The following BANK1 variants were observed in gnomAD, a reference collection of about 807,000 sequenced individuals.
The protein encoded by BANK1 is B cell scaffold protein with ankyrin repeats 1.
A neutral mutation model predicts 94.5 loss-of-function variants in BANK1; 95 were observed. The ratio of observed to expected loss-of-function variants is 1.00; its 90% CI spans 0.85 to 1.19. The LOEUF (loss-of-function observed/expected upper bound fraction) is 1.19. BANK1 is among the 50% of genes most tolerant of loss of function. BANK1 has a pLI of 0.00. For synonymous variants in BANK1, 334 were observed against 308.4 expected (o/e 1.08, Z -0.87); for missense variants, 987 against 932.2 (o/e 1.06, Z -0.77).
intron 2 of BANK1, among the ~76,000 whole-genome samples, chr4:101,845,560 A>G (rs1332147201): frequency 6.6e-6 from 1 of 152,170 alleles, no homozygotes; most frequent in Non-Finnish European, 1.5e-5. Flanking sequence ...ATTATTACCT[A>G]TTGGTAAGGA....
At chr4:101,919,973 G>T (rs1722948173) in intron 7 of BANK1, among the ~76,000 whole-genome samples, 1 of 151,880 alleles carries the variant, frequency 6.6e-6, no homozygotes, top group African/African-American at 2.4e-5. Flanking sequence ...CAATTTATAT[G>T]ACACATAAAT....
chr4:101,856,433 A>C (rs889510618), intron 3 of BANK1, among the ~76,000 whole-genome samples: 1 of 152,214 alleles, frequency 6.6e-6, no homozygotes, highest in Admixed American at 6.5e-5. Context: ...GCTCCTACTG[A>C]GTCAGAAACA....
rs1420557038 is a variant in BANK1, at chr4:101,830,141, G to A, written c.404G>A (p.Trp135Ter). The change falls in exon 2 of 17, where the codon TGG (tryptophan) becomes TAG (stop). Residue 135 changes from tryptophan to a stop codon, truncating the protein, a stop_gained. Transcript: ENST00000322953. LOFTEE classifies it high-confidence loss of function. ...TTACTAAATATCTCTCAAAGCAGAT[G>A]GGAGATCTCAACTGAACAGGAACCT... Reference protein sequence around the residue: ...YELLNISQSRWEISTEQEPED... With the variant: ...YELLNISQSR 1 of 1,609,114 alleles carries A rather than the reference G, an allele frequency of 6.2e-7. No individual in the cohort carries two copies. Among genetic ancestry groups the A allele is most frequent in the Non-Finnish European group, 8.5e-7 (1 of 1,178,474 alleles).
intron 7 of BANK1, among the ~76,000 whole-genome samples, chr4:101,957,226 T>C (rs953704617): frequency 3.9e-5 from 6 of 152,200 alleles, no homozygotes; most frequent in African/African-American, 1.4e-4. Context: ...TATGGCTACC[T>C]TGGTCTCAGC....
At chr4:101,881,894 A>G (rs1578375904) in intron 5 of BANK1, among the ~76,000 whole-genome samples, 1 of 147,452 alleles carries the variant, frequency 6.8e-6, no homozygotes, top group East Asian at 2.1e-4. Context: ...GGAGCTAGAG[A>G]GTAGAAGGAT....
At chr4:101,819,011 A>G (rs1726030948) in intron 1 of BANK1, among the ~76,000 whole-genome samples, 1 of 151,892 alleles carries the variant, frequency 6.6e-6, no homozygotes, top group Non-Finnish European at 1.5e-5. Context: ...TTATCACCAA[A>G]CATTTCTGGC....
chr4:101,895,566 A>G (rs1010254222), intron 6 of BANK1, among the ~76,000 whole-genome samples, 156 bp downstream of exon 6: 4 of 151,928 alleles, frequency 2.6e-5, no homozygotes, highest in African/African-American at 9.7e-5. Context: ...CATTAGTACA[A>G]ACTTCTGAAT....
intron 1 of BANK1, among the ~76,000 whole-genome samples, chr4:101,791,570 G>T (rs1310135667): frequency 6.6e-6 from 1 of 152,142 alleles, no homozygotes; most frequent in Non-Finnish European, 1.5e-5. Flanking sequence ...GTTTTATTTA[G>T]TTCTTTTTGA....
intron 1 of BANK1, among the ~76,000 whole-genome samples, chr4:101,798,679 T>A (rs1024172283): frequency 9.9e-5 from 15 of 152,234 alleles, no homozygotes; most frequent in Admixed American, 2.6e-4. Context: ...GGTATCTCAC[T>A]GTGGTTTTGA....
chr4:101,937,698 A>G (rs1228184042), intron 7 of BANK1, among the ~76,000 whole-genome samples: 2 of 151,946 alleles, frequency 1.3e-5, no homozygotes, highest in African/African-American at 4.8e-5. Flanking sequence ...TCAAGGATCT[A>G]GGACCAGAAA....
At chr4:101,964,434 T>C (rs1473465887) in intron 7 of BANK1, among the ~76,000 whole-genome samples, 1 of 152,094 alleles carries the variant, frequency 6.6e-6, no homozygotes, top group Non-Finnish European at 1.5e-5. Flanking sequence ...ACTGGAGTTG[T>C]AATTTCTTTC....
chr4:101,995,241 C>T (rs2148933781), intron 7 of BANK1, among the ~76,000 whole-genome samples: 1 of 152,204 alleles, frequency 6.6e-6, no homozygotes, highest in South Asian at 2.1e-4. Context: ...TGATGGTTTC[C>T]AACTTCACCT....
intron 9 of BANK1, among the ~76,000 whole-genome samples, chr4:102,027,136 C>T (rs372443059): frequency 5.1e-4 from 78 of 152,204 alleles, no homozygotes; most frequent in African/African-American, 1.9e-3. Flanking sequence ...AAAATTCTGG[C>T]ATATTTTTCT....
chr4:101,949,151 C>T lies in BANK1; in HGVS notation c.1206+30962C>T, dbSNP rs550285004. ...TGGTTTCAAGATGACCCTAGGATGA[C>T]GTGGCTCTGCTCTATGCAATCTCTC... is the stretch of plus-strand genomic sequence containing the variant. On this transcript the variant is annotated intron_variant, in intron 7 of 16. Coordinates refer to ENST00000322953, the MANE Select transcript of BANK1 (RefSeq NM_017935.5). 2.6e-5 allele frequency among the ~76,000 whole-genome samples: 4 copies of T among 152,136 alleles called. No individual in the cohort carries two copies. In the South Asian group the frequency reaches 6.2e-4, roughly 24 times the overall value.
chr4:102,019,579 T>C (rs149176279), intron 7 of BANK1, among the ~76,000 whole-genome samples: 94 of 152,306 alleles, frequency 6.2e-4, no homozygotes, highest in Non-Finnish European at 1.1e-3. Flanking sequence ...TGTACTTAAA[T>C]TGACTCCAAA....
chr4:101,792,338 G>C (rs1043540371), intron 1 of BANK1, among the ~76,000 whole-genome samples: 10 of 137,680 alleles, frequency 7.3e-5, no homozygotes, highest in Admixed American at 1.6e-4. Context: ...TCCTTTTCTG[G>C]CCAACATAAT....
In BANK1 at chr4:102,025,446, C is replaced by T. The variant is rs755990627; in HGVS notation, c.1531C>T (p.Leu511Phe). The change falls in exon 9 of 17, where the codon CTC becomes TTC. Residue 511 changes from leucine to phenylalanine, a missense_variant. By Grantham distance (22) the Leu-to-Phe change is conservative. Coordinates refer to ENST00000322953, the MANE Select transcript of BANK1 (RefSeq NM_017935.5). ...QEPLMSSRPP[L>F]PPPRPVANAF... ...GCCACTCATGAGCAGCAGACCTCCT[C>T]TCCCCCCGCCGCGACCTGTAGCTAA... 1 of 1,613,522 alleles carries T rather than the reference C, an allele frequency of 6.2e-7. No individual in the cohort carries two copies. The highest frequency in any genetic ancestry group is 8.5e-7 in the Non-Finnish European group (1 of 1,179,650).
intron 1 of BANK1, among the ~76,000 whole-genome samples, chr4:101,799,154 G>A (rs543039999): frequency 2.6e-5 from 4 of 152,114 alleles, no homozygotes; most frequent in African/African-American, 4.8e-5. Context: ...TGTAAGGAAG[G>A]GATCCAGTTT....
At chr4:101,905,366 G>A (rs575684107) in intron 6 of BANK1, among the ~76,000 whole-genome samples, 36 of 152,248 alleles carry the variant, frequency 2.4e-4, no homozygotes, top group Admixed American at 3.9e-4. Context: ...GACATTGCAC[G>A]GGAGCGAGGG....
Sources: allele counts gnomAD v4.1 joint callset (sites outside exome capture counted in the v4.1 genomes callset), GRCh38; gene constraint gnomAD v4.1.1; transcripts MANE v1.5; gene names NCBI Gene and HGNC (gene_info 2026-07-23, HGNC 2026-07-21).